SLC9A4: variants seen among roughly 807,000 people sequenced by gnomAD.
SLC9A4 encodes sodium/hydrogen exchanger 4.
A neutral mutation model predicts 67.4 loss-of-function variants in SLC9A4; 63 were observed. The ratio of observed to expected loss-of-function variants is 0.93; its 90% CI spans 0.76 to 1.15. The LOEUF is 1.15. SLC9A4 is among the 50% of genes most tolerant of loss of function. The pLI is 0.00. For missense variants in SLC9A4, 1,089 were observed against 987.7 expected, an observed-to-expected ratio of 1.10 and a Z score of -1.38; for synonymous variants, 393 against 367.2, an observed-to-expected ratio of 1.07 and a Z score of -0.80.
In SLC9A4 at chr2:102,503,558, G is replaced by C. The variant is rs766238677; in HGVS notation, c.831G>C (p.Gly277=). ...GATTCATCGTTGTGGGGCTTGGAGG[G>C]GTATTGTTTGGCATCGTTTTTGGAT... ...CARFIVVGLG[G]VLFGIVFGFI... Residue 277 remains glycine, a synonymous_variant, in exon 3 of 12, where the codon GGG becomes GGC. Transcript: ENST00000295269. 4 of 1,614,062 alleles carry C rather than the reference G, an allele frequency of 2.5e-6. No individual in the cohort carries two copies. Among genetic ancestry groups the C allele is most frequent in the Non-Finnish European group, 3.4e-6 (4 of 1,180,028 alleles).
chr2:102,515,253 G>A (rs1467847747), intron 8 of SLC9A4, among the ~76,000 whole-genome samples: 2 of 151,692 alleles, frequency 1.3e-5, no homozygotes, highest in Non-Finnish European at 2.9e-5. Flanking sequence ...CAATAAATTT[G>A]TCTCTATTGC....
At chr2:102,505,599 G>C in intron 4 of SLC9A4, 128 bp downstream of exon 4, 1 of 815,850 alleles carries the variant, frequency 1.2e-6, no homozygotes, top group Non-Finnish European at 1.9e-6. Context: ...GGTAGACTAG[G>C]AACCTGGTCG....
chr2:102,519,885 G>C lies in SLC9A4; in HGVS notation c.1748G>C (p.Arg583Thr). The change falls in exon 9 of 12, where the codon AGA becomes ACA. Residue 583 changes from arginine to threonine, a missense_variant. By Grantham distance (71) the Arg-to-Thr change is moderately conservative (BLOSUM62 -1). Transcript: ENST00000295269. ...HQAQRIQGIKRLSPEDVESIR... is the reference protein window; with the variant it reads ...HQAQRIQGIKTLSPEDVESIR... ...GCCCAGAGGATACAAGGAATCAAAA[G>C]ACTTTCCCCTGAAGATGTGGAGTCC... 1 of 1,613,782 alleles carries C rather than the reference G, an allele frequency of 6.2e-7. No homozygotes were observed. Among genetic ancestry groups the C allele is most frequent in the Non-Finnish European group, 8.5e-7 (1 of 1,179,758 alleles).
rs760010871 is a variant in SLC9A4, at chr2:102,479,216, C to T, written c.634C>T (p.Leu212=). ...CTCCGCCGTGGACCCAGTGGCCGTG[C>T]TAGCCGTGTTTGAGGAAGCGCGCGT... is the stretch of plus-strand genomic sequence containing the variant. ...LISAVDPVAV[L]AVFEEARVNE... is the part of the protein sequence containing the mutation. The change falls in exon 2 of 12, where the codon CTA becomes TTA. Residue 212 remains leucine (L), a synonymous_variant. Transcript: ENST00000295269. The T allele has an allele frequency of 2.0e-5, 33 of 1,614,044 alleles. No homozygotes were observed. Among genetic ancestry groups the T allele is most frequent in the Non-Finnish European group, 2.7e-5 (32 of 1,180,028 alleles).
At chr2:102,492,674 G>A (rs1202934113) in intron 2 of SLC9A4, among the ~76,000 whole-genome samples, 1 of 152,140 alleles carries the variant, frequency 6.6e-6, no homozygotes, top group Non-Finnish European at 1.5e-5. Flanking sequence ...AGGGACTGCT[G>A]TGAAGGTCTC....
chr2:102,503,686 T>G lies in SLC9A4; in HGVS notation c.959T>G (p.Leu320Arg), dbSNP rs1454258434. Residue 320 changes from leucine to arginine, a missense_variant, in exon 3 of 12, where the codon CTC becomes CGC. Leu to Arg is a moderately radical substitution (Grantham distance 102). Coordinates refer to ENST00000295269, the MANE Select transcript of SLC9A4 (RefSeq NM_001011552.4). ...TTGTCTTACTTAGCTGCTGAAACCC[T>G]CTATCTCTCCGGCATCCTGGCGTGA... ...SYLSYLAAET[L>R]YLSGILAITA... 1 of 1,614,192 alleles carries G rather than the reference T, an allele frequency of 6.2e-7. No homozygotes were observed. Among genetic ancestry groups the G allele is most frequent in the South Asian group, 1.1e-5 (1 of 91,086 alleles).
rs370042410 is a variant in SLC9A4, at chr2:102,473,812, T to C, written c.53T>C (p.Leu18Pro). Residue 18 changes from leucine to proline, a missense_variant, in exon 1 of 12, where the codon CTA becomes CCA. Leu to Pro is a moderately conservative substitution (Grantham distance 98, BLOSUM62 -3). Coordinates refer to ENST00000295269, the MANE Select transcript of SLC9A4 (RefSeq NM_001011552.4). ...AGTCCTTGGAATTGTTTGCTACTGC[T>C]AGTGGCTCTTGAGTGTTCTGAAGCA... ...TYSPWNCLLL[L>P]VALECSEASS... The C allele has an allele frequency of 1.2e-5, 20 of 1,614,020 alleles. No homozygotes were observed. Among genetic ancestry groups the C allele is most frequent in the African/African-American group, 2.7e-5 (2 of 74,936 alleles).
intron 9 of SLC9A4, among the ~76,000 whole-genome samples, chr2:102,522,521 A>G (rs1170688175): frequency 6.6e-6 from 1 of 152,106 alleles, no homozygotes; most frequent in Non-Finnish European, 1.5e-5. Context: ...GGTGAAATGG[A>G]AGCCAAATGT....
chr2:102,532,596 T>C lies in SLC9A4; in HGVS notation c.2305T>C (p.Ser769Pro), dbSNP rs200214790. 99 of 1,614,056 alleles carry C rather than the reference T, an allele frequency of 6.1e-5. No homozygotes were observed. In the East Asian group the frequency reaches 1.9e-3, roughly 31 times the overall value. The part of the protein sequence containing the change: ...ESGGESEGKA[S>P]LVEVRSRWTA... ...TGGAGGGGAGAGTGAGGGCAAGGCC[T>C]CTTTGGTTGAGGTTCGGTCGAGGTG... is the stretch of plus-strand genomic sequence containing the variant. The change falls in exon 12 of 12, where the codon TCT (serine) becomes CCT (proline). Residue 769 changes from serine to proline, a missense_variant. Transcript: ENST00000295269.
In SLC9A4 at chr2:102,526,292, C is replaced by G; in HGVS notation, c.1984C>G (p.Pro662Ala). 1 of 1,613,916 alleles carries G rather than the reference C, an allele frequency of 6.2e-7. No homozygotes were observed. The highest frequency in any genetic ancestry group is 1.3e-5 in the African/African-American group (1 of 75,028). The part of the protein sequence containing the change: ...GTKNIRYLSY[P>A]YGNPQSAGRD... ...CAAGAATATCCGCTACCTCTCCTAC[C>G]CCTACGGGAATCCTCAGTCTGCAGG... is the stretch of plus-strand genomic sequence containing the variant. The change falls in exon 11 of 12, where the codon CCC (proline) becomes GCC (alanine). Residue 662 changes from proline (P) to alanine (A), a missense_variant. Pro to Ala is a conservative substitution (Grantham distance 27). Transcript: ENST00000295269.
chr2:102,496,971 G>T (rs1684823145), intron 2 of SLC9A4, among the ~76,000 whole-genome samples: 1 of 152,154 alleles, frequency 6.6e-6, no homozygotes, highest in Non-Finnish European at 1.5e-5. Flanking sequence ...TGTTGCCCAG[G>T]CTGGAGTGCA....
Position 102,491,317 on chromosome 2 carries a change from C to CTTTTTTTTTT in SLC9A4, c.720+12041_720+12050dup, listed in dbSNP as rs61708027. Among the ~76,000 whole-genome samples, 17 of 45,766 alleles carry CTTTTTTTTTT rather than the reference C, an allele frequency of 3.7e-4. 1 individual carries two copies. Among genetic ancestry groups the CTTTTTTTTTT allele is most frequent in the East Asian group, 9.2e-4 (1 of 1,092 alleles). The allele number at this position is 45,766 out of a possible 152,430, so 30.0% of individuals were successfully genotyped here. On this transcript the variant is annotated intron_variant, in intron 2 of 11. Coordinates refer to ENST00000295269, the MANE Select transcript of SLC9A4 (RefSeq NM_001011552.4). Reference sequence around the variant, plus strand: ...ATTTCTCTTCCCATTTGTACTAATGCTTTTTTTTTTTTTTTTTTTTTTTTT... The same window carrying CTTTTTTTTTT: ...ATTTCTCTTCCCATTTGTACTAATGCTTTTTTTTTTTTTTTTTTTTTTTTTTTTTTTTTTT...
At chr2:102,493,007 C>T (rs1440245963) in intron 2 of SLC9A4, among the ~76,000 whole-genome samples, 1 of 152,192 alleles carries the variant, frequency 6.6e-6, no homozygotes, top group Admixed American at 6.5e-5. Context: ...ACCTTTATTC[C>T]AGTTCCCAAT....
intron 2 of SLC9A4, among the ~76,000 whole-genome samples, chr2:102,488,594 G>C (rs1684635258): frequency 6.8e-6 from 1 of 147,428 alleles, no homozygotes; most frequent in Non-Finnish European, 1.5e-5. Flanking sequence ...TGTTGCCCAG[G>C]CTGGAGTGCA....
intron 2 of SLC9A4, among the ~76,000 whole-genome samples, chr2:102,501,693 G>A (rs1684944757): frequency 6.6e-6 from 1 of 151,960 alleles, no homozygotes; most frequent in African/African-American, 2.4e-5. Context: ...GCAAGGGGTT[G>A]GTGTGCACAC....
chr2:102,488,414 G>A (rs2104420745), intron 2 of SLC9A4, among the ~76,000 whole-genome samples: 1 of 152,218 alleles, frequency 6.6e-6, no homozygotes, highest in African/African-American at 2.4e-5. Flanking sequence ...ATGGGTGAGG[G>A]AGGAAGCCAT....
At position 102,473,510 on chromosome 2, in the gene SLC9A4, T is replaced by TA. The variant is rs1684263949; in HGVS notation, c.-248dup. On this transcript the variant is annotated 5_prime_UTR_variant, in exon 1 of 12. It introduces an in-frame stop codon into an upstream open reading frame of the 5' UTR. Transcript: ENST00000295269. ...GTCCTCCAGGTAGCTCCATGGACTT[T>TA]AACAAGTCTATTGAATAACTGCATT... The TA allele has an allele frequency of 2.0e-6, 1 of 502,342 alleles. No individual in the cohort carries two copies. The allele number at this position is 502,342 out of a possible 1,614,324, so 31.1% of individuals were successfully genotyped here.
In SLC9A4 at chr2:102,525,100, A is replaced by G; in HGVS notation, c.1895A>G (p.Gln632Arg). 1.2e-6 allele frequency: 2 copies of G among 1,614,108 alleles called. No individual in the cohort carries two copies. Among genetic ancestry groups the G allele is most frequent in the Non-Finnish European group, 1.7e-6 (2 of 1,179,986 alleles). ...KQAKEILIRR[Q>R]NTLRESMRKG... ...GCTAAAGAGATTCTGATCCGCCGCC[A>G]GAACACCTTAAGGGAGAGCATGAGG... Residue 632 changes from glutamine (Q) to arginine (R), a missense_variant, in exon 10 of 12, where the codon CAG (glutamine) becomes CGG (arginine). By Grantham distance (43) the Gln-to-Arg change is conservative. Coordinates refer to ENST00000295269, the MANE Select transcript of SLC9A4 (RefSeq NM_001011552.4).
chr2:102,500,806 G>A (rs1558665114), intron 2 of SLC9A4, among the ~76,000 whole-genome samples: 1 of 152,048 alleles, frequency 6.6e-6, no homozygotes, highest in Non-Finnish European at 1.5e-5. Flanking sequence ...ACAAACGTGA[G>A]GCATTCTTTA....
Sources: allele counts gnomAD v4.1 joint callset (sites outside exome capture counted in the v4.1 genomes callset), GRCh38; gene constraint gnomAD v4.1.1; transcripts MANE v1.5; gene names NCBI Gene and HGNC (gene_info 2026-07-23, HGNC 2026-07-21).